Variants in GRIP1 observed in about 807,000 individuals in gnomAD.
The protein encoded by GRIP1 is glutamate receptor-interacting protein 1.
A neutral mutation model predicts 129.9 loss-of-function variants in GRIP1; 45 were observed. The ratio of observed to expected loss-of-function variants is 0.35; its 90% CI spans 0.27 to 0.44. GRIP1 has a LOEUF of 0.44. Ranked by LOEUF, GRIP1 falls within the 20% of genes least tolerant of loss-of-function variation. GRIP1 has a pLI of 1.00. For synonymous variants in GRIP1, 530 were observed against 520.8 expected, an observed-to-expected ratio of 1.02 and a Z score of -0.24; for missense variants, 1,196 against 1,396.8, an observed-to-expected ratio of 0.86 and a Z score of 2.29.
intron 14 of GRIP1, among the ~76,000 whole-genome samples, chr12:66,427,645 G>A (rs1950774543): frequency 6.6e-6 from 1 of 152,100 alleles, no homozygotes; most frequent in Admixed American, 6.6e-5. Context: ...ACACCAGATG[G>A]AAAATGCTGA....
At chr12:66,354,367 G>A (rs1463630031) in intron 23 of GRIP1, among the ~76,000 whole-genome samples, 1 of 152,076 alleles carries the variant, frequency 6.6e-6, no homozygotes, top group Non-Finnish European at 1.5e-5. Flanking sequence ...AATATTTATT[G>A]AGTTCCTACC....
rs558876267 is a variant in GRIP1, at chr12:66,676,685, G to C, written c.55+2165C>G. The stretch of plus-strand genomic sequence containing the variant: ...ATGTATGTTTGGGAGTTGAGGGTGA[G>C]GGTGTGGGAGTTGTGTGAGTAGGGA... On this transcript the variant is annotated intron_variant, in intron 1 of 24. Transcript: ENST00000359742. Among the ~76,000 whole-genome samples, 9 of 152,292 alleles carry C rather than the reference G, an allele frequency of 5.9e-5. No homozygotes were observed. The South Asian group carries it at 1.7e-3, about 28-fold the overall frequency.
Position 66,827,957 on chromosome 12 carries a change from A to C in GRIP1, c.59-231030T>G, listed in dbSNP as rs564388026. Among the ~76,000 whole-genome samples, 4 of 152,330 alleles carry C rather than the reference A, an allele frequency of 2.6e-5. No homozygotes were observed. In the East Asian group the frequency reaches 7.7e-4, roughly 29 times the overall value. On this transcript the variant is annotated intron_variant, in intron 1 of 1. Coordinates refer to the GRIP1 transcript ENST00000643019. ...TTGGTGGTTGGAAGCTGCTGAGAAG[A>C]AAGTACGACACTGTCTTTCCATGGT...
chr12:66,467,809 A>G (rs1054916795), intron 7 of GRIP1, among the ~76,000 whole-genome samples: 1 of 152,192 alleles, frequency 6.6e-6, no homozygotes, highest in African/African-American at 2.4e-5. Context: ...TCTTTCTAGA[A>G]CTTTAGAATG....
intron 1 of GRIP1, 130 bp from the exon 2 acceptor site, chr12:66,597,057 G>T: frequency 1.3e-6 from 1 of 743,792 alleles, no homozygotes; most frequent in South Asian, 1.4e-5. Flanking sequence ...GGTAGGCCTG[G>T]GTCCTATACT....
intron 1 of GRIP1, among the ~76,000 whole-genome samples, chr12:66,896,520 T>C (rs901004548): frequency 1.2e-4 from 18 of 145,384 alleles, no homozygotes; most frequent in African/African-American, 3.5e-4. Context: ...GAATGCCCCA[T>C]TGGATGTAGA....
At chr12:66,728,726 A>G (rs1425211939) in intron 1 of GRIP1, among the ~76,000 whole-genome samples, 1 of 152,192 alleles carries the variant, frequency 6.6e-6, no homozygotes, top group Non-Finnish European at 1.5e-5. Context: ...GCAAGCAGTA[A>G]GCCTATAGGT....
At chr12:66,642,330 G>A (rs1005505275) in intron 1 of GRIP1, among the ~76,000 whole-genome samples, 6 of 152,150 alleles carry the variant, frequency 3.9e-5, no homozygotes, top group African/African-American at 1.4e-4. Context: ...AAGGCAGGGA[G>A]GCACCATGTG....
intron 1 of GRIP1, among the ~76,000 whole-genome samples, chr12:67,019,788 G>T (rs2135739843): frequency 6.6e-6 from 1 of 151,300 alleles, no homozygotes. Context: ...ATAAACAGTA[G>T]ATTTATAATA....
chr12:66,705,395 G>A (rs560538861), intron 1 of GRIP1, among the ~76,000 whole-genome samples: 6 of 152,140 alleles, frequency 3.9e-5, no homozygotes, highest in African/African-American at 1.4e-4. Context: ...ACTGCCCAAG[G>A]AAATAAGAGA....
chr12:66,799,056 A>G (rs979716279), intron 1 of GRIP1, among the ~76,000 whole-genome samples: 1 of 152,182 alleles, frequency 6.6e-6, no homozygotes, highest in East Asian at 1.9e-4. Flanking sequence ...CAGTTCCACG[A>G]CAATCAGTGG....
At chr12:67,010,816 T>TC (rs1365927590) in intron 1 of GRIP1, among the ~76,000 whole-genome samples, 2 of 151,316 alleles carry the variant, frequency 1.3e-5, no homozygotes, top group African/African-American at 2.4e-5. Context: ...AAACACTGTC[T>TC]CCCCCCCAGC....
intron 1 of GRIP1, among the ~76,000 whole-genome samples, chr12:67,003,987 C>T (rs1252820524): frequency 6.6e-6 from 1 of 152,128 alleles, no homozygotes; most frequent in Non-Finnish European, 1.5e-5. Flanking sequence ...CATTCCTGGG[C>T]TTTTGGCAGC....
intron 6 of GRIP1, 33 bp from the exon 7 acceptor site, chr12:66,515,797 A>G (rs763323369): frequency 6.3e-7 from 1 of 1,591,926 alleles, no homozygotes; most frequent in Non-Finnish European, 8.6e-7. Flanking sequence ...GTCTTGATTA[A>G]TTTAGCATAA....
chr12:66,494,842 CT>C (rs1316053301), intron 7 of GRIP1, among the ~76,000 whole-genome samples: 1 of 152,138 alleles, frequency 6.6e-6, no homozygotes, highest in Non-Finnish European at 1.5e-5. Context: ...GATTGCACCA[CT>C]GCACTCCAGC....
chr12:66,727,628 A>T (rs1465725341), intron 1 of GRIP1, among the ~76,000 whole-genome samples: 1 of 152,192 alleles, frequency 6.6e-6, no homozygotes, highest in South Asian at 2.1e-4. Flanking sequence ...CCTAACTGAC[A>T]CAAAAGGGAA....
chr12:67,066,907 T>TAC lies in GRIP1; in HGVS notation c.58+2142_58+2143insGT, dbSNP rs1276937803. On this transcript the variant is annotated intron_variant, in intron 1 of 1. Coordinates refer to the GRIP1 transcript ENST00000643019. ...ATATATTTATATATATATATATATA[T>TAC]ATATACACACACACACAAACTGAAA... Among the ~76,000 whole-genome samples the TAC allele has an allele frequency of 2.0e-3, 281 of 143,734 alleles. 5 individuals are homozygous for TAC. The highest frequency in any genetic ancestry group is 6.9e-3 in the African/African-American group (271 of 39,052). 94.3% of individuals were successfully genotyped at this position (143,734 alleles called of 152,430 possible).
intron 7 of GRIP1, among the ~76,000 whole-genome samples, chr12:66,485,344 G>A (rs919599168): frequency 2.0e-5 from 3 of 151,932 alleles, no homozygotes; most frequent in Non-Finnish European, 4.4e-5. Context: ...TGACGTGTCT[G>A]ATCAGGTATT....
intron 1 of GRIP1, among the ~76,000 whole-genome samples, chr12:66,908,835 C>T (rs550449098): frequency 4.3e-4 from 65 of 152,224 alleles, no homozygotes; most frequent in Non-Finnish European, 7.4e-4. Context: ...AAGATGTCTG[C>T]CTGGAGAATG....
Sources: gnomAD v4.1 joint callset for allele counts (sites outside exome capture counted in the v4.1 genomes callset) on GRCh38, gnomAD v4.1.1 for gene constraint, MANE v1.5 for transcripts, NCBI Gene and HGNC (gene_info 2026-07-23, HGNC 2026-07-21) for gene names.